The following XDH variants were observed in gnomAD, a reference collection of about 807,000 sequenced individuals.
XDH encodes xanthine dehydrogenase/oxidase.
Under a neutral mutation model 156.1 loss-of-function variants are expected in XDH, and 138 were observed. That is an observed-to-expected ratio of 0.88 (90% CI 0.77 to 1.02). The LOEUF (loss-of-function observed/expected upper bound fraction) is 1.02. Ranked by LOEUF, XDH falls within the 50% of genes least tolerant of loss-of-function variation. The pLI, the probability that XDH is intolerant of heterozygous loss-of-function variation, is 0.00. For missense variants in XDH, 1,849 were observed against 1,684.9 expected, an observed-to-expected ratio of 1.10 and a Z score of -1.71; for synonymous variants, 669 against 625.7, an observed-to-expected ratio of 1.07 and a Z score of -1.03.
intron 29 of XDH, 52 bp downstream of exon 29, chr2:31,347,470 C>A: frequency 6.2e-7 from 1 of 1,611,686 alleles, no homozygotes; most frequent in Non-Finnish European, 8.5e-7. Flanking sequence ...ACTCTCCAGG[C>A]CCACAGCTCT....
intron 26 of XDH, 94 bp from the exon 27 acceptor site, chr2:31,349,074 G>T: frequency 5.5e-6 from 7 of 1,263,260 alleles, no homozygotes; most frequent in South Asian, 2.5e-5. Flanking sequence ...ACATCCTTGG[G>T]GTTGCCCACA....
At chr2:31,375,154 T>C (rs1217805874) in intron 15 of XDH, among the ~76,000 whole-genome samples, 3 of 151,458 alleles carry the variant, frequency 2.0e-5, no homozygotes, top group Non-Finnish European at 2.9e-5. Context: ...GCTTCCCACG[T>C]AGCTGAGATT....
intron 33 of XDH, 38 bp downstream of exon 33, chr2:31,341,291 G>C (rs778461901): frequency 6.5e-7 from 1 of 1,548,252 alleles, no homozygotes. Flanking sequence ...TGCATCGGTG[G>C]CCAAGTCTGT....
At chr2:31,387,391 TTTTTG>T (rs887717104) in intron 8 of XDH, among the ~76,000 whole-genome samples, 10 of 152,160 alleles carry the variant, frequency 6.6e-5, no homozygotes, top group East Asian at 1.9e-4. Flanking sequence ...GAGCTCTCGT[TTTTTG>T]TTTTGTTTTG....
intron 13 of XDH, among the ~76,000 whole-genome samples, chr2:31,378,107 AAAGGAAGG>A (rs1210425191): frequency 0.012 from 660 of 54,304 alleles, 16 homozygotes; most frequent in African/African-American, 0.027. Flanking sequence ...AGAAAGAAAG[AAAGGAAGG>A]AAGGAAGGAA....
At chr2:31,349,987 G>A (rs779160583) in intron 25 of XDH, 45 bp downstream of exon 25, 7 of 1,612,614 alleles carry the variant, frequency 4.3e-6, no homozygotes, top group Non-Finnish European at 8.5e-7. Context: ...GTCCCCCGAA[G>A]TAGTCTAAAG....
At chr2:31,368,832 A>C (rs1325189384) in intron 18 of XDH, among the ~76,000 whole-genome samples, 172 bp from the exon 19 acceptor site, 1 of 152,220 alleles carries the variant, frequency 6.6e-6, no homozygotes, top group African/African-American at 2.4e-5. Context: ...GATCACTAGG[A>C]TCAAGATGGC....
In XDH at chr2:31,368,733, A is replaced by G. The variant is rs913446147; in HGVS notation, c.1981-73T>C. On this transcript the variant is annotated intron_variant, in intron 18 of 35. Coordinates refer to ENST00000379416, the MANE Select transcript of XDH (RefSeq NM_000379.4). The stretch of plus-strand genomic sequence containing the variant: ...AAACAAATTATTTTTGGATTGTTCA[A>G]AAAGCCAAAAGAAGTCCCTGCCCTC... 3.7e-6 allele frequency: 6 copies of G among 1,613,264 alleles called. No homozygotes were observed. In the African/African-American group the frequency reaches 5.3e-5, roughly 14 times the overall value.
At chr2:31,365,648 A>C in intron 22 of XDH, 104 bp from the exon 23 acceptor site, 2 of 1,352,482 alleles carry the variant, frequency 1.5e-6, no homozygotes, top group Non-Finnish European at 2.1e-6. Flanking sequence ...TTCCACCTGC[A>C]CGCTGAGCAG....
At position 31,365,460 on chromosome 2, in the gene XDH, G is replaced by T. The variant is rs1375078803; in HGVS notation, c.2541C>A (p.Tyr847Ter). Residue 847 changes from tyrosine to a stop codon, truncating the protein, a stop_gained, in exon 23 of 36, where the codon TAC becomes TAA. Transcript: ENST00000379416. LOFTEE classifies it high-confidence loss of function. Reference sequence around the variant, plus strand: ...GCACAGCCCCAACATCTAGAACCTTGTATCTGGCCAGGAAGGGATGTCTGC... The same window carrying T: ...GCACAGCCCCAACATCTAGAACCTTTTATCTGGCCAGGAAGGGATGTCTGC... ...TGGRHPFLAR[Y>*]KVGFMKTGTV... is the part of the protein sequence containing the mutation. 1.2e-6 allele frequency: 2 copies of T among 1,614,152 alleles called. No homozygotes were observed.
chr2:31,354,842 A>T (rs1685583249), intron 24 of XDH, among the ~76,000 whole-genome samples: 1 of 152,208 alleles, frequency 6.6e-6, no homozygotes, highest in African/African-American at 2.4e-5. Context: ...GAAGAAAAGG[A>T]GAAAAAGAGA....
rs534954349 is a variant in XDH at position 31,370,272 on chromosome 2, G to C, written c.1980+83C>G. The C allele has an allele frequency of 2.2e-5, 33 of 1,515,830 alleles. No homozygotes were observed. The East Asian group carries it at 6.1e-4, about 28-fold the overall frequency. 93.9% of individuals were successfully genotyped at this position (1,515,830 alleles called of 1,614,324 possible). On this transcript the variant is annotated intron_variant, in intron 18 of 35. Coordinates refer to ENST00000379416, the MANE Select transcript of XDH (RefSeq NM_000379.4). ...TCCATGCAAATGTATAACCTTTCCA[G>C]ATCAGGAGTTTGGAGCAATGTACAC...
intron 1 of XDH, among the ~76,000 whole-genome samples, chr2:31,411,474 A>G (rs1687341898): frequency 6.6e-6 from 1 of 152,118 alleles, no homozygotes; most frequent in Non-Finnish European, 1.5e-5. Context: ...GTGTGTGTCC[A>G]GAGTGAGAAA....
intron 5 of XDH, among the ~76,000 whole-genome samples, chr2:31,398,254 C>T (rs896253637): frequency 6.6e-6 from 1 of 152,166 alleles, no homozygotes; most frequent in African/African-American, 2.4e-5. Context: ...CACTAGCCCC[C>T]GTGGAGTTTT....
intron 32 of XDH, 66 bp downstream of exon 32, chr2:31,342,117 G>A: frequency 7.2e-7 from 1 of 1,393,084 alleles, no homozygotes; most frequent in Non-Finnish European, 1.0e-6. Context: ...ATCAGCTCTA[G>A]GTATTACAAC....
In XDH at chr2:31,398,643, G is replaced by T. The variant is rs572305982; in HGVS notation, c.363C>A (p.Val121=). The T allele has an allele frequency of 3.7e-6, 6 of 1,614,174 alleles. No individual in the cohort carries two copies. In the South Asian group the frequency reaches 6.6e-5, roughly 18 times the overall value. ...SQCGFCTPGI[V]MSMYTLLRNQ... Reference sequence around the variant, plus strand: ...TCCGGAGCAGTGTGTACATACTCATGACGATGCCAGGGGTGCAGAACCCGC... The same window carrying T: ...TCCGGAGCAGTGTGTACATACTCATTACGATGCCAGGGGTGCAGAACCCGC... The change falls in exon 5 of 36, where the codon GTC becomes GTA. Residue 121 remains valine (V), a synonymous_variant. Coordinates refer to ENST00000379416, the MANE Select transcript of XDH (RefSeq NM_000379.4).
At position 31,372,286 on chromosome 2, in the gene XDH, A is replaced by G; in HGVS notation, c.1798T>C (p.Tyr600His). The change falls in exon 17 of 36, where the codon TAC becomes CAC. Residue 600 changes from tyrosine (Y) to histidine (H), a missense_variant. By Grantham distance (83) the Tyr-to-His change is moderately conservative. Transcript: ENST00000379416. ...EAVYCDDIPR[Y>H]ENELSLRLVT... is the part of the protein sequence containing the mutation. ...AGCCGGAGAGACAGCTCATTCTCGT[A>G]GCGAGGAATGTCGTCACAGTACACG... 6.2e-7 allele frequency: 1 copy of G among 1,614,230 alleles called. No individual in the cohort carries two copies. The highest frequency in any genetic ancestry group is 1.3e-5 in the African/African-American group (1 of 75,060).
intron 15 of XDH, 124 bp from the exon 16 acceptor site, chr2:31,374,080 T>A: frequency 1.0e-6 from 1 of 995,426 alleles, no homozygotes; most frequent in Non-Finnish European, 1.5e-6. Context: ...CATACGCCTT[T>A]GAGTGCTGGC....
At chr2:31,405,071 C>G (rs1016854184) in intron 2 of XDH, among the ~76,000 whole-genome samples, 3 of 152,160 alleles carry the variant, frequency 2.0e-5, no homozygotes, top group African/African-American at 7.2e-5. Context: ...CAGCTCTAGG[C>G]TTTGGTGCAA....
Sources: gnomAD v4.1 joint callset for allele counts (sites outside exome capture counted in the v4.1 genomes callset) on GRCh38, gnomAD v4.1.1 for gene constraint, MANE v1.5 for transcripts, NCBI Gene and HGNC (gene_info 2026-07-23, HGNC 2026-07-21) for gene names.